SYTL3: variants seen among roughly 807,000 people sequenced by gnomAD.
The protein encoded by SYTL3 is synaptotagmin-like protein 3.
SYTL3 carries 88 observed loss-of-function variants against 82.1 expected under a neutral mutation model. That is an observed-to-expected ratio of 1.07 (90% confidence interval 0.90 to 1.28). SYTL3 has a LOEUF of 1.28. Ranked by LOEUF, SYTL3 falls within the 50% of genes most tolerant of loss-of-function variation. The pLI, the probability that SYTL3 is intolerant of heterozygous loss-of-function variation, is 0.00. For missense variants in SYTL3, 831 were observed against 757.6 expected, an observed-to-expected ratio of 1.10 and a Z score of -1.14; for synonymous variants, 311 against 289.4, an observed-to-expected ratio of 1.07 and a Z score of -0.76.
intron 11 of SYTL3, among the ~76,000 whole-genome samples, chr6:158,734,487 T>C (rs2128494669): frequency 6.6e-6 from 1 of 152,252 alleles, no homozygotes; most frequent in Admixed American, 6.5e-5. Flanking sequence ...CCATCGCTCA[T>C]TCCACTCAGC....
chr6:158,757,669 TC>T (rs1789319495), intron 14 of SYTL3, among the ~76,000 whole-genome samples: 1 of 152,206 alleles, frequency 6.6e-6, no homozygotes, highest in Non-Finnish European at 1.5e-5. Context: ...GGCGGAGGCC[TC>T]CCTTTGCTGG....
chr6:158,694,970 G>T (rs796770357), intron 6 of SYTL3, among the ~76,000 whole-genome samples: 18 of 152,264 alleles, frequency 1.2e-4, no homozygotes, highest in African/African-American at 4.3e-4. Context: ...TGATTAGGTG[G>T]GCTGGTTATC....
chr6:158,680,962 G>A (rs1004441059), intron 5 of SYTL3, among the ~76,000 whole-genome samples: 1 of 152,152 alleles, frequency 6.6e-6, no homozygotes, highest in African/African-American at 2.4e-5. Context: ...GCATATATTT[G>A]TGATTTTACT....
chr6:158,659,547 G>A (rs1789111124), intron 2 of SYTL3, among the ~76,000 whole-genome samples: 1 of 152,100 alleles, frequency 6.6e-6, no homozygotes, highest in Admixed American at 6.6e-5. Flanking sequence ...TAGAGACAGG[G>A]TTTCACCATG....
intron 11 of SYTL3, among the ~76,000 whole-genome samples, chr6:158,732,196 G>A (rs1562437894): frequency 6.6e-6 from 1 of 152,238 alleles, no homozygotes; most frequent in Non-Finnish European, 1.5e-5. Flanking sequence ...ATAGGTCTTT[G>A]TCAGTCCTTA....
At chr6:158,693,983 G>C (rs1010393058) in intron 6 of SYTL3, among the ~76,000 whole-genome samples, 4 of 150,848 alleles carry the variant, frequency 2.7e-5, no homozygotes, top group Non-Finnish European at 5.9e-5. Flanking sequence ...GTAAGCCACT[G>C]TGCCTGGCCT....
chr6:158,650,814 G>A (rs1787915327), intron 1 of SYTL3, among the ~76,000 whole-genome samples: 1 of 151,948 alleles, frequency 6.6e-6, no homozygotes, highest in African/African-American at 2.4e-5. Flanking sequence ...AGCTGGGTGT[G>A]GTGGCAGGCA....
At chr6:158,714,847 G>A (rs1783175498) in intron 9 of SYTL3, among the ~76,000 whole-genome samples, 1 of 152,132 alleles carries the variant, frequency 6.6e-6, no homozygotes, top group Non-Finnish European at 1.5e-5. Context: ...TTAATTAGTT[G>A]TCCGTATTCC....
intron 12 of SYTL3, among the ~76,000 whole-genome samples, chr6:158,750,274 A>G (rs1788230459): frequency 6.6e-6 from 1 of 152,168 alleles, no homozygotes; most frequent in African/African-American, 2.4e-5. Context: ...TAAATATAAA[A>G]TCCAACGTGG....
chr6:158,764,426 T>C, intron 17 of SYTL3, 69 bp from the exon 18 acceptor site: 5 of 1,220,518 alleles, frequency 4.1e-6, no homozygotes, highest in South Asian at 2.5e-5. Flanking sequence ...GTCATCATTT[T>C]TAAAGGGATG....
intron 10 of SYTL3, among the ~76,000 whole-genome samples, chr6:158,718,752 G>A (rs991219881): frequency 6.6e-6 from 1 of 152,270 alleles, no homozygotes; most frequent in African/African-American, 2.4e-5. Context: ...CCAGCCTGGA[G>A]TGAACGCTTC....
intron 5 of SYTL3, among the ~76,000 whole-genome samples, chr6:158,680,819 A>G (rs1778606484): frequency 6.6e-6 from 1 of 152,228 alleles, no homozygotes; most frequent in Non-Finnish European, 1.5e-5. Context: ...AAGTATTGGT[A>G]GTAATCATTT....
At chr6:158,725,479 T>C in intron 10 of SYTL3, 24 bp from the exon 11 acceptor site, 2 of 1,612,248 alleles carry the variant, frequency 1.2e-6, no homozygotes, top group Non-Finnish European at 1.7e-6. Flanking sequence ...ACTATAATAT[T>C]AATTTCTGTT....
chr6:158,738,536 G>A (rs542597400), intron 11 of SYTL3, among the ~76,000 whole-genome samples: 12 of 152,094 alleles, frequency 7.9e-5, no homozygotes, highest in Middle Eastern at 3.4e-3. Flanking sequence ...TCTCTCTTAC[G>A]CATTCAGCCT....
intron 6 of SYTL3, among the ~76,000 whole-genome samples, chr6:158,699,955 G>GCAT (rs1361068069): frequency 3.6e-5 from 3 of 83,344 alleles, no homozygotes; most frequent in Non-Finnish European, 7.6e-5. Flanking sequence ...TCAAAAAAAA[G>GCAT]AATAATAAAA....
At chr6:158,744,218 C>T (rs959226857) in intron 11 of SYTL3, among the ~76,000 whole-genome samples, 3 of 151,100 alleles carry the variant, frequency 2.0e-5, no homozygotes, top group Non-Finnish European at 4.4e-5. Context: ...CGCCTGGTCT[C>T]AGTTGCTGTT....
At chr6:158,711,005 C>T (rs528086384) in intron 8 of SYTL3, among the ~76,000 whole-genome samples, 13 of 152,112 alleles carry the variant, frequency 8.5e-5, no homozygotes, top group Non-Finnish European at 1.6e-4. Flanking sequence ...TGCTTTTGAC[C>T]TCCTGATCTC....
At chr6:158,694,570 C>T (rs1015186815) in intron 6 of SYTL3, among the ~76,000 whole-genome samples, 1 of 152,200 alleles carries the variant, frequency 6.6e-6, no homozygotes, top group African/African-American at 2.4e-5. Flanking sequence ...GCTGGGGTTA[C>T]AGGCATGAGC....
chr6:158,708,610 G>A (rs1313674699), intron 8 of SYTL3, among the ~76,000 whole-genome samples: 2 of 152,156 alleles, frequency 1.3e-5, no homozygotes, highest in African/African-American at 4.8e-5. Flanking sequence ...TGTCATCAGC[G>A]ACCCTTTCTG....
Sources: gnomAD v4.1 joint callset for allele counts (sites outside exome capture counted in the v4.1 genomes callset) on GRCh38, gnomAD v4.1.1 for gene constraint, MANE v1.5 for transcripts, NCBI Gene and HGNC (gene_info 2026-07-23, HGNC 2026-07-21) for gene names.